SNAPC1: variants seen among roughly 807,000 people sequenced by gnomAD.
SNAPC1 encodes snRNA-activating protein complex subunit 1.
In SNAPC1, 42 loss-of-function variants were observed where a neutral mutation model predicts 50.1. The observed-to-expected ratio is 0.84, with a 90% confidence interval of 0.65 to 1.08. The LOEUF (loss-of-function observed/expected upper bound fraction) is 1.08. Among genes scored for constraint, SNAPC1 ranks in the 50% least tolerant of loss-of-function variants. The pLI, the probability that SNAPC1 is intolerant of heterozygous loss-of-function variation, is 0.00. For synonymous variants in SNAPC1, 164 were observed against 144.2 expected, an observed-to-expected ratio of 1.14 and a Z score of -0.98; for missense variants, 477 against 427.3, an observed-to-expected ratio of 1.12 and a Z score of -1.02.
chr14:61,794,663 C>T (rs2045175982), intron 9 of SNAPC1, among the ~76,000 whole-genome samples: 1 of 152,134 alleles, frequency 6.6e-6, no homozygotes, highest in African/African-American at 2.4e-5. Context: ...CCACCTTAGC[C>T]TCCCAGAGTG....
At chr14:61,791,540 T>C (rs1237117458) in intron 8 of SNAPC1, among the ~76,000 whole-genome samples, 1 of 152,160 alleles carries the variant, frequency 6.6e-6, no homozygotes, top group African/African-American at 2.4e-5. Context: ...CTGGGTTTTA[T>C]AATGTAATGA....
At chr14:61,767,491 T>G in intron 3 of SNAPC1, 139 bp downstream of exon 3, 1 of 463,968 alleles carries the variant, frequency 2.2e-6, no homozygotes, top group Non-Finnish European at 3.4e-6. Flanking sequence ...TTAGACAGAG[T>G]CTTGCTCTGT....
chr14:61,776,705 G>T (rs953362530), intron 5 of SNAPC1, among the ~76,000 whole-genome samples: 2 of 152,166 alleles, frequency 1.3e-5, no homozygotes, highest in Non-Finnish European at 2.9e-5. Flanking sequence ...AATTCAGAAG[G>T]TCTGGTAACA....
chr14:61,763,486 C>CTTTTTTT (rs71117854), intron 1 of SNAPC1, among the ~76,000 whole-genome samples: 3 of 98,004 alleles, frequency 3.1e-5, no homozygotes, highest in Non-Finnish European at 6.0e-5. Flanking sequence ...CCAGCAGCTG[C>CTTTTTTT]TTTTTTTTTT....
chr14:61,784,718 G>T (rs982275583), intron 8 of SNAPC1, among the ~76,000 whole-genome samples: 6 of 152,330 alleles, frequency 3.9e-5, no homozygotes, highest in South Asian at 2.1e-4. Flanking sequence ...AGGTAAAATA[G>T]AAGATTATTT....
At chr14:61,790,544 C>T (rs957072665) in intron 8 of SNAPC1, among the ~76,000 whole-genome samples, 1 of 152,168 alleles carries the variant, frequency 6.6e-6, no homozygotes, top group Non-Finnish European at 1.5e-5. Flanking sequence ...ACCATGTTGG[C>T]CAGGTTGGTC....
In SNAPC1 at chr14:61,792,806, G is replaced by A. The variant is rs774513457; in HGVS notation, c.977-1G>A. On this transcript the variant is annotated splice_acceptor_variant, in intron 8 of 9. Transcript: ENST00000216294. LOFTEE classifies it high-confidence loss of function. ...TAAAATCATTTTCTAAATATTTCTA[G>A]GCAATGTGCAGAATATACACAAGGA... The A allele has an allele frequency of 6.9e-7, 1 of 1,454,280 alleles. No individual in the cohort carries two copies. The highest frequency in any genetic ancestry group is 2.2e-5 in the Admixed American group (1 of 45,316). 90.1% of individuals were successfully genotyped at this position (1,454,280 alleles called of 1,614,324 possible). A position where few individuals can be genotyped will look rare whatever the true frequency, so the allele number is the denominator to read the frequency against.
chr14:61,771,877 G>A (rs1420845128), intron 4 of SNAPC1, among the ~76,000 whole-genome samples: 3 of 152,154 alleles, frequency 2.0e-5, no homozygotes, highest in African/African-American at 4.8e-5. Context: ...CTGATTGCCT[G>A]AACTTTAAGA....
At position 61,795,368 on chromosome 14, in the gene SNAPC1, A is replaced by ATAAC. The variant is rs1481995543; in HGVS notation, c.*388_*391dup. On this transcript the variant is annotated 3_prime_UTR_variant, in exon 10 of 10. Transcript: ENST00000216294. ...AAATATTAATGTTTATTACATGCAA[A>ATAAC]TAACTATTTTGTATCTACAGTCGGA... 6.9e-6 allele frequency: 1 copy of ATAAC among 145,370 alleles called. No individual in the cohort carries two copies. The highest frequency in any genetic ancestry group is 2.7e-5 in the African/African-American group (1 of 37,642). 9.0% of individuals were successfully genotyped at this position (145,370 alleles called of 1,614,324 possible).
intron 7 of SNAPC1, among the ~76,000 whole-genome samples, chr14:61,781,315 G>T (rs542950824): frequency 6.6e-6 from 1 of 152,092 alleles, no homozygotes; most frequent in East Asian, 1.9e-4. Flanking sequence ...CGGGCGTGGT[G>T]GTGGGCGCCA....
chr14:61,776,666 T>G (rs2045037321), intron 5 of SNAPC1, among the ~76,000 whole-genome samples: 1 of 152,216 alleles, frequency 6.6e-6, no homozygotes, highest in Non-Finnish European at 1.5e-5. Flanking sequence ...GAACTTCACC[T>G]AAAATTCTAG....
At chr14:61,766,098 A>G (rs1459147702) in intron 1 of SNAPC1, among the ~76,000 whole-genome samples, 1 of 152,242 alleles carries the variant, frequency 6.6e-6, no homozygotes, top group Non-Finnish European at 1.5e-5. Flanking sequence ...TCAAAGACCT[A>G]TGCTAACATT....
chr14:61,769,559 G>A (rs1467355612), intron 4 of SNAPC1, among the ~76,000 whole-genome samples: 3 of 151,648 alleles, frequency 2.0e-5, no homozygotes, highest in Admixed American at 6.6e-5. Flanking sequence ...CACCATGCCC[G>A]GCTGATTTTT....
At position 61,766,896 on chromosome 14, in the gene SNAPC1, A is replaced by G. The variant is rs2044952039; in HGVS notation, c.149A>G (p.Glu50Gly). Residue 50 changes from glutamate (E) to glycine (G), a missense_variant, in exon 2 of 10, where the codon GAA becomes GGA. Physicochemically the swap from Glu to Gly is moderately conservative, Grantham distance 98 (BLOSUM62 -2). Coordinates refer to ENST00000216294, the MANE Select transcript of SNAPC1 (RefSeq NM_003082.4). The stretch of plus-strand genomic sequence containing the variant: ...ATTAGTGGCAGAATGAGAAATTTAG[A>G]AAAGAACATGTTTACAAAAGAAGCT... ...TIFCGRMRNL[E>G]KNMFTKEALA... 5.6e-6 allele frequency: 9 copies of G among 1,609,236 alleles called. No homozygotes were observed. Among genetic ancestry groups the G allele is most frequent in the Non-Finnish European group, 7.7e-6 (9 of 1,175,938 alleles).
intron 4 of SNAPC1, among the ~76,000 whole-genome samples, chr14:61,775,613 A>G (rs906781160): frequency 7.2e-5 from 11 of 152,334 alleles, no homozygotes; most frequent in Middle Eastern, 3.4e-3. Flanking sequence ...GCTTATGGGA[A>G]CAGGCACATA....
rs1358469152 is a variant in SNAPC1, at chr14:61,764,655, A to ATCCT, written c.128+2068_128+2069insCCTT. Among the ~76,000 whole-genome samples the ATCCT allele has an allele frequency of 9.4e-4, 143 of 152,200 alleles. 1 individual carries two copies. The highest frequency in any genetic ancestry group is 2.6e-4 in the Non-Finnish European group (18 of 68,038). Reference sequence around the variant, plus strand: ...CTGCCTGTTTCTAAAATCCGTTAATATTCCACTGTACCACTTCTTGGGGGG... The same window carrying ATCCT: ...CTGCCTGTTTCTAAAATCCGTTAATATCCTTTCCACTGTACCACTTCTTGGGGGG... On this transcript the variant is annotated intron_variant, in intron 1 of 9. Coordinates refer to ENST00000216294, the MANE Select transcript of SNAPC1 (RefSeq NM_003082.4).
At chr14:61,790,791 A>T (rs946311292) in intron 8 of SNAPC1, among the ~76,000 whole-genome samples, 5 of 152,188 alleles carry the variant, frequency 3.3e-5, no homozygotes, top group African/African-American at 9.6e-5. Flanking sequence ...GGAGGTGTGG[A>T]TCTGGAGCTC....
rs180805663 is a variant in SNAPC1 at position 61,793,353 on chromosome 14, C to T, written c.1072+451C>T. Among the ~76,000 whole-genome samples, 1,004 of 152,128 alleles carry T rather than the reference C, an allele frequency of 6.6e-3. 15 individuals carry two copies. The highest frequency in any genetic ancestry group is 0.023 in the African/African-American group (974 of 41,504). On this transcript the variant is annotated intron_variant, in intron 9 of 9. Coordinates refer to ENST00000216294, the MANE Select transcript of SNAPC1 (RefSeq NM_003082.4). ...CCCCGGCTCAGGCTATCCTCCCCTC[C>T]CGCCTCAGCCTCTTGAGTCACTGGG...
Position 61,767,327 on chromosome 14 carries a change from T to C in SNAPC1, c.404T>C (p.Phe135Ser). 6.7e-7 allele frequency: 1 copy of C among 1,490,660 alleles called. No homozygotes were observed. The highest frequency in any genetic ancestry group is 2.5e-5 in the East Asian group (1 of 40,058). The allele number at this position is 1,490,660 out of a possible 1,614,324, so 92.3% of individuals were successfully genotyped here. The stretch of plus-strand genomic sequence containing the variant: ...AGGAAGCTACGACTAGACAGAGCAT[T>C]TCACTTTACAGCAATGCCCAAATTG... ...IFRKLRLDRA[F>S]HFTAMPKLLS... The change falls in exon 3 of 10, where the codon TTT (phenylalanine) becomes TCT (serine). Residue 135 changes from phenylalanine to serine, a missense_variant. Transcript: ENST00000216294.
Sources: allele counts gnomAD v4.1 joint callset (sites outside exome capture counted in the v4.1 genomes callset), GRCh38; gene constraint gnomAD v4.1.1; transcripts MANE v1.5; gene names NCBI Gene and HGNC (gene_info 2026-07-23, HGNC 2026-07-21).